Variants in DHX37 observed in about 807,000 individuals in gnomAD.
DHX37 encodes the protein DEAH-box helicase 37.
A neutral mutation model predicts 134.3 loss-of-function variants in DHX37; 52 were observed. That is an observed-to-expected ratio of 0.39 (90% confidence interval 0.31 to 0.49). The LOEUF is 0.49. Ranked by LOEUF, DHX37 falls within the 20% of genes least tolerant of loss-of-function variation. The pLI is 0.93. For synonymous variants in DHX37, 634 were observed against 670.7 expected, an observed-to-expected ratio of 0.95 and a Z score of 0.85; for missense variants, 1,344 against 1,580.8, an observed-to-expected ratio of 0.85 and a Z score of 2.54.
intron 21 of DHX37, among the ~76,000 whole-genome samples, chr12:124,951,288 A>C (rs1057054744): frequency 1.6e-4 from 24 of 151,982 alleles, no homozygotes; most frequent in African/African-American, 5.8e-4. Flanking sequence ...TCTCAAAAAA[A>C]AAAAAAAAAG....
intron 2 of DHX37, 123 bp downstream of exon 2, chr12:124,985,973 A>C: frequency 7.9e-7 from 1 of 1,265,040 alleles, no homozygotes. Flanking sequence ...CATGCACTGG[A>C]ATTTTCCTCA....
Position 124,947,622 on chromosome 12 carries a change from C to A in DHX37, c.*180G>T, listed in dbSNP as rs114775792. On this transcript the variant is annotated 3_prime_UTR_variant, in exon 27 of 27. Coordinates refer to ENST00000308736, the MANE Select transcript of DHX37 (RefSeq NM_032656.4). ...AAAGTCACCCCCGGGCCAGATGGCACGGGCGGCAGCACCCTTCATACGGGA... is the reference window on the plus strand; with the variant it reads ...AAAGTCACCCCCGGGCCAGATGGCAAGGGCGGCAGCACCCTTCATACGGGA... The A allele has an allele frequency of 4.1e-6, 3 of 737,832 alleles. No individual in the cohort carries two copies. The Admixed American group carries it at 9.6e-5, about 24-fold the overall frequency. 45.7% of individuals were successfully genotyped at this position (737,832 alleles called of 1,614,324 possible).
rs202096722 is a variant in DHX37 at position 124,964,609 on chromosome 12, C to G, written c.1830G>C (p.Pro610=). ...CCACAACACACAACCGAGTCCCCTCCGGTGGAGGCTTAAAGACCTAGGATT... is the reference window on the plus strand; with the variant it reads ...CCACAACACACAACCGAGTCCCCTCGGGTGGAGGCTTAAAGACCTAGGATT... ...EKQAQVFKPP[P]EGTRLCVVAT... Residue 610 remains proline (P), a synonymous_variant, in exon 15 of 27, where the codon CCG becomes CCC. Transcript: ENST00000308736. The G allele has an allele frequency of 6.2e-7, 1 of 1,610,776 alleles. No homozygotes were observed. Among genetic ancestry groups the G allele is most frequent in the Non-Finnish European group, 8.5e-7 (1 of 1,179,208 alleles).
chr12:124,953,098 C>G (rs1954007653), intron 20 of DHX37: 1 of 152,348 alleles, frequency 6.6e-6, no homozygotes. Flanking sequence ...ACTCAAGTGA[C>G]TTCTCTTCCT....
At chr12:124,947,910 A>G (rs368484529) in intron 26 of DHX37, 23 bp from the exon 27 acceptor site, 36 of 1,609,760 alleles carry the variant, frequency 2.2e-5, no homozygotes, top group Non-Finnish European at 2.6e-5. Context: ...GAAGGAGGAC[A>G]GTGTCAGGGT....
intron 1 of DHX37, 136 bp downstream of exon 1, chr12:124,988,781 G>T: frequency 2.3e-6 from 1 of 435,528 alleles, no homozygotes; most frequent in South Asian, 1.2e-4. Flanking sequence ...GGATCATCTG[G>T]AATGGGGGGA....
intron 15 of DHX37, among the ~76,000 whole-genome samples, chr12:124,962,135 G>A (rs1426984601): frequency 6.6e-6 from 1 of 152,062 alleles, no homozygotes; most frequent in African/African-American, 2.4e-5. Flanking sequence ...TTGAGCCCAG[G>A]AGGCGGAGGC....
Position 124,952,511 on chromosome 12 carries a change from C to T in DHX37, c.2755G>A (p.Glu919Lys), listed in dbSNP as rs765913270. The T allele has an allele frequency of 1.4e-5, 22 of 1,605,212 alleles. No homozygotes were observed. Among genetic ancestry groups the T allele is most frequent in the South Asian group, 3.3e-5 (3 of 90,780 alleles). Residue 919 changes from glutamate to lysine, a missense_variant, in exon 21 of 27, where the codon GAG (glutamate) becomes AAG (lysine). Glu to Lys is a moderately conservative substitution (Grantham distance 56). This residue lies in a region of DHX37 where 558 missense variants were observed against 650.0 expected (regional missense o/e 0.86). Transcript: ENST00000308736. ...TGTCGCAGGTAGGTCACCTGGCTCT[C>T]GGTGGGCGGCTGCATCTTGGGATCC... ...FVDPKMQPPT[E>K]SQVTYLRQIV... is the part of the protein sequence containing the mutation.
chr12:124,983,418 TACACACAC>T (rs141343765), intron 2 of DHX37, among the ~76,000 whole-genome samples: 7 of 148,214 alleles, frequency 4.7e-5, no homozygotes, highest in East Asian at 2.0e-4. Context: ...ATGTGTGTAT[TACACACAC>T]ACACACACAC....
chr12:124,967,341 T>G, intron 10 of DHX37, 123 bp from the exon 11 acceptor site: 1 of 1,050,762 alleles, frequency 9.5e-7, no homozygotes, highest in Non-Finnish European at 1.4e-6. Flanking sequence ...AGGACAGGAG[T>G]ACACAGACAT....
At chr12:124,975,202 C>T (rs559375791) in intron 6 of DHX37, among the ~76,000 whole-genome samples, 33 of 152,344 alleles carry the variant, frequency 2.2e-4, no homozygotes, top group African/African-American at 6.3e-4. Flanking sequence ...TCTGTCCCCT[C>T]GGCACACTGT....
In DHX37 at chr12:124,986,247, C is replaced by A. The variant is rs1954870249; in HGVS notation, c.125G>T (p.Gly42Val). The change falls in exon 2 of 27, where the codon GGA becomes GTA. Residue 42 changes from glycine to valine, a missense_variant. Coordinates refer to ENST00000308736, the MANE Select transcript of DHX37 (RefSeq NM_032656.4). ...LELEDKDTLKGVDASNALVLP... is the reference protein window; with the variant it reads ...LELEDKDTLKVVDASNALVLP... ...AACGAGCGCGTTGCTTGCATCAACT[C>A]CCTTCAACGTGTCCTTGTCTGAGAG... is the stretch of plus-strand genomic sequence containing the variant. The A allele has an allele frequency of 4.3e-6, 7 of 1,613,942 alleles. No individual in the cohort carries two copies. The highest frequency in any genetic ancestry group is 5.1e-6 in the Non-Finnish European group (6 of 1,179,998).
At position 124,982,591 on chromosome 12, in the gene DHX37, G is replaced by C; in HGVS notation, c.309C>G (p.Val103=). Residue 103 remains valine (V), a synonymous_variant, in exon 3 of 27, where the codon GTC becomes GTG. Coordinates refer to ENST00000308736, the MANE Select transcript of DHX37 (RefSeq NM_032656.4). ...RAEMLQKLSE[V]QASEAEMRLF... ...GTCTCATCTCAGCTTCGGAAGCCTGGACTTCACTCAGCTTCTGTAGCATCT... is the reference window on the plus strand; with the variant it reads ...GTCTCATCTCAGCTTCGGAAGCCTGCACTTCACTCAGCTTCTGTAGCATCT... 6.2e-7 allele frequency: 1 copy of C among 1,613,638 alleles called. No homozygotes were observed. The highest frequency in any genetic ancestry group is 1.7e-4 in the Middle Eastern group (1 of 6,054).
rs1167811016 is a variant in DHX37, at chr12:124,949,202, A to G, written c.3290+784T>C. ...CATGCCTGGGACAGGGCCACACTGG[A>G]AAACGTGAGCTGAGTGACTGACACG... On this transcript the variant is annotated intron_variant, in intron 25 of 26. Coordinates refer to ENST00000308736, the MANE Select transcript of DHX37 (RefSeq NM_032656.4). This position sits in a 1 kb window ranked among gnomAD's most constrained non-coding sequence, Gnocchi z 4.0. Among the ~76,000 whole-genome samples, 1 of 152,106 alleles carries G rather than the reference A, an allele frequency of 6.6e-6. No homozygotes were observed. The highest frequency in any genetic ancestry group is 1.5e-5 in the Non-Finnish European group (1 of 68,004).
chr12:124,963,899 A>G lies in DHX37; in HGVS notation c.2045+495T>C, dbSNP rs1187526770. The stretch of plus-strand genomic sequence containing the variant: ...GTCTCAAAAAAAAAAAAAAAAAAAA[A>G]AAAAAGAAACAGTGCGAGTAGGCCA... On this transcript the variant is annotated intron_variant, in intron 15 of 26. Coordinates refer to ENST00000308736, the MANE Select transcript of DHX37 (RefSeq NM_032656.4). Among the ~76,000 whole-genome samples the G allele has an allele frequency of 6.4e-5, 8 of 125,952 alleles. No individual in the cohort carries two copies. The East Asian group carries it at 2.4e-3, about 37-fold the overall frequency. The allele number at this position is 125,952 out of a possible 152,430, so 82.6% of individuals were successfully genotyped here.
Position 124,947,608 on chromosome 12 carries a change from C to CG in DHX37, c.*193dup, listed in dbSNP as rs1173949562. 1 of 641,622 alleles carries CG rather than the reference C, an allele frequency of 1.6e-6. No homozygotes were observed. Among genetic ancestry groups the CG allele is most frequent in the East Asian group, 2.8e-5 (1 of 35,538 alleles). 39.7% of individuals were successfully genotyped at this position (641,622 alleles called of 1,614,324 possible). A position where few individuals can be genotyped will look rare whatever the true frequency, so the allele number is the denominator to read the frequency against. On this transcript the variant is annotated 3_prime_UTR_variant, in exon 27 of 27. Transcript: ENST00000308736. ...AATAAACAGTTCAAAAAGTCACCCCCGGGCCAGATGGCACGGGCGGCAGCA... is the reference window on the plus strand; with the variant it reads ...AATAAACAGTTCAAAAAGTCACCCCCGGGGCCAGATGGCACGGGCGGCAGCA...
rs768546191 is a variant in DHX37 at position 124,972,563 on chromosome 12, C to T, written c.1017G>A (p.Val339=). Residue 339 remains valine (V), a synonymous_variant, in exon 7 of 27, where the codon GTG becomes GTA. Coordinates refer to ENST00000308736, the MANE Select transcript of DHX37 (RefSeq NM_032656.4). ...TGAACTTGATTCTGGTCTCCTCTGT[C>T]ACGTTTCCTTCATACCGGATCTGGT... ...VSYQIRYEGN[V]TEETRIKFMT... is the part of the protein sequence containing the mutation. 2.8e-5 allele frequency: 46 copies of T among 1,614,122 alleles called. No homozygotes were observed. The highest frequency in any genetic ancestry group is 3.6e-5 in the Non-Finnish European group (43 of 1,180,052).
At chr12:124,959,142 C>T (rs1205203365) in intron 16 of DHX37, among the ~76,000 whole-genome samples, 2 of 147,166 alleles carry the variant, frequency 1.4e-5, no homozygotes, top group East Asian at 4.1e-4. Flanking sequence ...GGCACAATCT[C>T]GGCCCATTGC....
chr12:124,955,696 G>A (rs183277859), intron 18 of DHX37, among the ~76,000 whole-genome samples: 126 of 152,380 alleles, frequency 8.3e-4, no homozygotes, highest in Middle Eastern at 3.4e-3. Flanking sequence ...AACTCTGTCC[G>A]TGCAGAGCAC....
Sources: gnomAD v4.1 joint callset for allele counts (sites outside exome capture counted in the v4.1 genomes callset) on GRCh38, gnomAD v4.1.1 for gene constraint, gnomAD v4.1.1 regional missense constraint, Gnocchi (gnomAD v3.1) non-coding constraint, MANE v1.5 for transcripts, NCBI Gene and HGNC (gene_info 2026-07-23, HGNC 2026-07-21) for gene names.